NOC3L: variants seen among roughly 807,000 people sequenced by gnomAD.
NOC3L encodes the protein nucleolar complex protein 3 homolog.
NOC3L carries 85 observed loss-of-function variants against 102.5 expected under a neutral mutation model. The observed-to-expected ratio is 0.83, with a 90% confidence interval of 0.70 to 0.99. The LOEUF (loss-of-function observed/expected upper bound fraction) is 0.99, where lower values mean the gene tolerates loss of function less well. NOC3L is among the 50% of genes least tolerant of loss of function. The pLI is 0.00. For synonymous variants in NOC3L, 303 were observed against 309.4 expected, an observed-to-expected ratio of 0.98 and a Z score of 0.22; for missense variants, 878 against 914.9, an observed-to-expected ratio of 0.96 and a Z score of 0.52.
chr10:94,331,925 G>A (rs894607436), downstream of NOC3L: 2 of 147,736 alleles, frequency 1.4e-5, no homozygotes. Context: ...AGCCTGGAGT[G>A]CAGTGGTACG....
At chr10:94,329,249 G>T (rs769034970), downstream of NOC3L, 13 of 152,070 alleles carry the variant, frequency 8.5e-5, no homozygotes, top group Non-Finnish European at 1.8e-4. Context: ...TAAGTGTAAA[G>T]GATTCTTCAT....
chr10:94,336,037 A>G (rs980860766), intron 19 of NOC3L, among the ~76,000 whole-genome samples: 9 of 152,224 alleles, frequency 5.9e-5, no homozygotes, highest in Non-Finnish European at 1.3e-4. Flanking sequence ...TCAGAACACT[A>G]AGCTTGTAGG....
intron 13 of NOC3L, among the ~76,000 whole-genome samples, chr10:94,342,967 C>T (rs1228171398): frequency 6.6e-6 from 1 of 151,832 alleles, no homozygotes; most frequent in East Asian, 1.9e-4. Flanking sequence ...TGCCTGTAGT[C>T]TCAGCTACTC....
At chr10:94,316,659 G>C in the NOC3L span, 1 of 1,613,284 alleles carries the variant, frequency 6.2e-7, no homozygotes, top group African/African-American at 1.3e-5. Context: ...CCATTCCAGA[G>C]AGCCATTGGT....
chr10:94,316,792 C>T, the NOC3L span: 6 of 1,469,970 alleles, frequency 4.1e-6, no homozygotes, highest in Admixed American at 5.0e-5. Context: ...ACAGTAACGA[C>T]TCATTATGTG....
Position 94,340,362 on chromosome 10 carries a change from C to T in NOC3L, c.1709-15G>A, listed in dbSNP as rs3740359. The T allele has an allele frequency of 0.091, 146,158 of 1,611,270 alleles. 7,923 individuals carry two copies. Among genetic ancestry groups the T allele is most frequent in the East Asian group, 0.2 (8,990 of 44,816 alleles). ...CAGAACATCACCTTTGAAATGACAACAAACACCAATTAGGTATGTTATAGC... is the reference window on the plus strand; with the variant it reads ...CAGAACATCACCTTTGAAATGACAATAAACACCAATTAGGTATGTTATAGC... On this transcript the variant is annotated splice_polypyrimidine_tract_variant and intron_variant, in intron 15 of 20. Coordinates refer to ENST00000371361, the MANE Select transcript of NOC3L (RefSeq NM_022451.11).
the NOC3L span, among the ~76,000 whole-genome samples, chr10:94,326,311 A>G: frequency 6.6e-6 from 1 of 152,224 alleles, no homozygotes; most frequent in South Asian, 2.1e-4. Context: ...CTCTTCCCAG[A>G]GCCAAATTTT....
the NOC3L span, chr10:94,325,310 G>T: frequency 2.0e-6 from 1 of 510,476 alleles, no homozygotes; most frequent in Non-Finnish European, 3.5e-6. Flanking sequence ...AAAGAAAAAG[G>T]GAAAGAGGCT....
chr10:94,324,435 C>T, the NOC3L span: 1 of 1,614,158 alleles, frequency 6.2e-7, no homozygotes, highest in South Asian at 1.1e-5. Context: ...TGGTGAAAGA[C>T]ACTACCAACA....
Position 94,334,168 on chromosome 10 carries a change from A to G in NOC3L, c.*9T>C. 1 of 1,198,796 alleles carries G rather than the reference A, an allele frequency of 8.3e-7. No individual in the cohort carries two copies. Among genetic ancestry groups the G allele is most frequent in the South Asian group, 1.3e-5 (1 of 79,690 alleles). 74.3% of individuals were successfully genotyped at this position (1,198,796 alleles called of 1,614,324 possible). ...ATATACAAGAAAGTCCACTGACTTCATTCCTCTACTAGTGTAGTGATGTTT... is the reference window on the plus strand; with the variant it reads ...ATATACAAGAAAGTCCACTGACTTCGTTCCTCTACTAGTGTAGTGATGTTT... On this transcript the variant is annotated 3_prime_UTR_variant, in exon 21 of 21. Coordinates refer to ENST00000371361, the MANE Select transcript of NOC3L (RefSeq NM_022451.11).
chr10:94,319,494 G>A, the NOC3L span, among the ~76,000 whole-genome samples: 1 of 152,166 alleles, frequency 6.6e-6, no homozygotes, highest in African/African-American at 2.4e-5. Context: ...GATCTCTCCT[G>A]CCTTTTATAA....
the NOC3L span, chr10:94,316,429 A>C: frequency 1.4e-6 from 1 of 700,818 alleles, no homozygotes; most frequent in Non-Finnish European, 2.6e-6. Context: ...AGAATTATGC[A>C]ATACTCTAGA....
chr10:94,353,601 A>G (rs1000702125), intron 6 of NOC3L, among the ~76,000 whole-genome samples: 7 of 152,166 alleles, frequency 4.6e-5, no homozygotes, highest in African/African-American at 1.4e-4. Flanking sequence ...CAGAGGTCAC[A>G]TTTCAACATA....
intron 2 of NOC3L, among the ~76,000 whole-genome samples, chr10:94,360,430 G>T (rs145337660): frequency 6.6e-6 from 1 of 152,190 alleles, no homozygotes; most frequent in East Asian, 1.9e-4. Context: ...TGAAACTAAA[G>T]GCCATTATGC....
chr10:94,331,276 A>C (rs1459530232), downstream of NOC3L: 1 of 152,194 alleles, frequency 6.6e-6, no homozygotes, highest in Non-Finnish European at 1.5e-5. Flanking sequence ...AAGCTCATTA[A>C]TGAAAGTGGG....
intron 7 of NOC3L, 72 bp downstream of exon 7, chr10:94,352,821 CAAA>C: frequency 9.5e-7 from 1 of 1,052,242 alleles, no homozygotes; most frequent in Non-Finnish European, 1.3e-6. Context: ...AACTCTGCCT[CAAA>C]AAAAAAAAGT....
intron 13 of NOC3L, among the ~76,000 whole-genome samples, chr10:94,342,854 G>A (rs1003604202): frequency 1.8e-4 from 28 of 152,170 alleles, no homozygotes; most frequent in African/African-American, 6.8e-4. Flanking sequence ...GGAGGCCGAG[G>A]CGGATGGATC....
At chr10:94,335,240 G>A (rs976602085) in intron 19 of NOC3L, among the ~76,000 whole-genome samples, 5 of 152,156 alleles carry the variant, frequency 3.3e-5, no homozygotes, top group Non-Finnish European at 5.9e-5. Context: ...AAGGGCCTAC[G>A]AAGGTAGCAA....
intron 10 of NOC3L, among the ~76,000 whole-genome samples, chr10:94,348,119 A>G (rs1286278604): frequency 6.7e-6 from 1 of 149,692 alleles, no homozygotes; most frequent in Admixed American, 6.7e-5. Flanking sequence ...TATCAAATAT[A>G]TACATAATAT....
Sources: gnomAD v4.1 joint callset for allele counts (sites outside exome capture counted in the v4.1 genomes callset) on GRCh38, gnomAD v4.1.1 for gene constraint, MANE v1.5 for transcripts, NCBI Gene and HGNC (gene_info 2026-07-23, HGNC 2026-07-21) for gene names.